The following WWOX variants were observed in gnomAD, a reference collection of about 807,000 sequenced individuals.
WWOX encodes the protein WW domain containing oxidoreductase.
WWOX carries 69 observed loss-of-function variants against 46.2 expected under a neutral mutation model. The ratio of observed to expected loss-of-function variants is 1.49; its 90% CI spans 1.23 to 1.82. The LOEUF is 1.82. Ranked by LOEUF, WWOX falls within the 40% of genes most tolerant of loss-of-function variation. The pLI, the probability that WWOX is intolerant of heterozygous loss-of-function variation, is 0.00. For synonymous variants in WWOX, 359 were observed against 202.6 expected (o/e 1.77, Z -6.56); for missense variants, 919 against 542.6 (o/e 1.69, Z -6.89).
chr16:78,227,033 A>G (rs955750716), intron 5 of WWOX, among the ~76,000 whole-genome samples: 2 of 152,176 alleles, frequency 1.3e-5, no homozygotes, highest in African/African-American at 4.8e-5. Context: ...TTACTTCTTT[A>G]GTTCACAATG....
chr16:78,640,497 G>T (rs1210543653), intron 8 of WWOX, among the ~76,000 whole-genome samples: 1 of 152,108 alleles, frequency 6.6e-6, no homozygotes, highest in Non-Finnish European at 1.5e-5. Context: ...TGTACTGCAT[G>T]AAGCAGGGGT....
intron 5 of WWOX, among the ~76,000 whole-genome samples, chr16:78,363,281 G>T (rs1432629442): frequency 6.6e-6 from 1 of 150,680 alleles, no homozygotes; most frequent in East Asian, 1.9e-4. Context: ...CATTTTTGAG[G>T]GCTTTTTTTT....
chr16:78,384,870 T>C (rs2082027601), intron 5 of WWOX, among the ~76,000 whole-genome samples: 2 of 152,098 alleles, frequency 1.3e-5, no homozygotes, highest in South Asian at 2.1e-4. Context: ...GTGCGGTGGC[T>C]CACGCCTGTA....
At chr16:78,769,919 T>TG (rs938237060) in intron 8 of WWOX, among the ~76,000 whole-genome samples, 1 of 151,782 alleles carries the variant, frequency 6.6e-6, no homozygotes, top group Non-Finnish European at 1.5e-5. Flanking sequence ...GTGGAGCATG[T>TG]GGGGGTCCCA....
At chr16:78,953,841 T>G (rs547162122) in intron 8 of WWOX, among the ~76,000 whole-genome samples, 2 of 152,308 alleles carry the variant, frequency 1.3e-5, no homozygotes, top group African/African-American at 4.8e-5. Context: ...CACTCTCCAC[T>G]CTCCTGTAGC....
intron 4 of WWOX, among the ~76,000 whole-genome samples, chr16:78,138,849 G>A (rs2033888276): frequency 6.6e-6 from 1 of 152,182 alleles, no homozygotes; most frequent in African/African-American, 2.4e-5. Context: ...TGGGGCTTCT[G>A]AATTGCAATC....
chr16:78,475,741 A>G (rs1331492219), intron 8 of WWOX, among the ~76,000 whole-genome samples: 2 of 152,112 alleles, frequency 1.3e-5, no homozygotes, highest in African/African-American at 2.4e-5. Flanking sequence ...GATTACAGGC[A>G]TGTGCCACCA....
At chr16:78,839,341 C>T (rs116651311) in intron 8 of WWOX, among the ~76,000 whole-genome samples, 1 of 152,200 alleles carries the variant, frequency 6.6e-6, no homozygotes, top group African/African-American at 2.4e-5. Context: ...TATCCCCTGG[C>T]TTGGTAATAT....
chr16:78,868,618 C>A (rs996097852), intron 8 of WWOX, among the ~76,000 whole-genome samples: 3 of 152,130 alleles, frequency 2.0e-5, no homozygotes, highest in Non-Finnish European at 4.4e-5. Context: ...AAGATTTTCA[C>A]CCATTCTGTA....
chr16:78,114,089 C>CTT (rs759734805), intron 3 of WWOX, among the ~76,000 whole-genome samples: 15 of 104,076 alleles, frequency 1.4e-4, no homozygotes, highest in East Asian at 8.2e-4. Flanking sequence ...CCATATGTGC[C>CTT]TTTTTTTTTT....
At chr16:78,859,082 G>A (rs1247877458) in intron 8 of WWOX, among the ~76,000 whole-genome samples, 101 of 97,732 alleles carry the variant, frequency 1.0e-3, no homozygotes, top group Non-Finnish European at 1.6e-3. Context: ...ATGAAAAAAA[G>A]GACAAACGAT....
chr16:78,187,827 A>G (rs1385687874), intron 5 of WWOX, among the ~76,000 whole-genome samples: 2 of 152,232 alleles, frequency 1.3e-5, no homozygotes, highest in African/African-American at 2.4e-5. Flanking sequence ...TTCAAGCCAC[A>G]TTAGAAAGCA....
intron 2 of WWOX, among the ~76,000 whole-genome samples, chr16:78,109,008 C>A (rs1257006856): frequency 6.6e-6 from 1 of 152,102 alleles, no homozygotes; most frequent in South Asian, 2.1e-4. Context: ...ACAACAACAA[C>A]AACAAAAACC....
At chr16:78,922,011 A>G (rs749888314) in intron 8 of WWOX, among the ~76,000 whole-genome samples, 20 of 152,246 alleles carry the variant, frequency 1.3e-4, no homozygotes, top group Admixed American at 6.5e-4. Context: ...TCCTCTACCC[A>G]TGACATCAGG....
intron 5 of WWOX, among the ~76,000 whole-genome samples, chr16:78,352,422 C>T (rs968766931): frequency 2.6e-5 from 4 of 152,176 alleles, no homozygotes; most frequent in Non-Finnish European, 5.9e-5. Flanking sequence ...TAGAAGAGAA[C>T]CCACTTCCTT....
intron 5 of WWOX, among the ~76,000 whole-genome samples, chr16:78,227,108 C>G (rs2037085871): frequency 6.6e-6 from 1 of 152,214 alleles, no homozygotes; most frequent in Non-Finnish European, 1.5e-5. Context: ...CTTGCAATCA[C>G]AGCCACGCGG....
At chr16:78,165,107 G>C (rs1430824143) in intron 5 of WWOX, among the ~76,000 whole-genome samples, 1 of 152,214 alleles carries the variant, frequency 6.6e-6, no homozygotes, top group Admixed American at 6.5e-5. Flanking sequence ...GAGTGGGTAG[G>C]AGAGGTGCTG....
At position 79,052,071 on chromosome 16, in the gene WWOX, G is replaced by A. The variant is rs558389035; in HGVS notation, c.1057-159537G>A. Among the ~76,000 whole-genome samples the A allele has an allele frequency of 2.4e-3, 361 of 150,590 alleles. 1 individual carries two copies. Among genetic ancestry groups the A allele is most frequent in the African/African-American group, 8.4e-3 (345 of 40,878 alleles). On this transcript the variant is annotated intron_variant, in intron 8 of 8. Transcript: ENST00000566780. ...TTTTTAATTATACTTTAAGTTTTAG[G>A]GTACATGTGCACGTTGTGCAGGTTA...
At position 79,121,667 on chromosome 16, in the gene WWOX, C is replaced by T. The variant is rs150521200; in HGVS notation, c.1057-89941C>T. Among the ~76,000 whole-genome samples the T allele has an allele frequency of 2.8e-4, 42 of 152,174 alleles. No homozygotes were observed. The East Asian group carries it at 7.2e-3, about 26-fold the overall frequency. ...GGTGGGAGGTGTGTTTTGGGGCATG[C>T]GCCAAGGGAAGCTGGGCTTTGGGAA... On this transcript the variant is annotated intron_variant, in intron 8 of 8. Coordinates refer to ENST00000566780, the MANE Select transcript of WWOX (RefSeq NM_016373.4).
Sources: gnomAD v4.1 joint callset for allele counts (sites outside exome capture counted in the v4.1 genomes callset) on GRCh38, gnomAD v4.1.1 for gene constraint, MANE v1.5 for transcripts, NCBI Gene and HGNC (gene_info 2026-07-23, HGNC 2026-07-21) for gene names.